Variants in AZIN1 observed in about 807,000 individuals in gnomAD.
AZIN1 encodes antizyme inhibitor 1, also known as ornithine decarboxylase antizyme inhibitor.
A neutral mutation model predicts 47.4 loss-of-function variants in AZIN1; 12 were observed. The ratio of observed to expected loss-of-function variants is 0.25; its 90% confidence interval spans 0.16 to 0.41. The LOEUF is 0.41. AZIN1 is among the 10% of genes least tolerant of loss of function. The pLI, the probability that AZIN1 is intolerant of heterozygous loss-of-function variation, is 1.00. For synonymous variants in AZIN1, 155 were observed against 176.3 expected (o/e 0.88, Z 0.96); for missense variants, 410 against 532.4 (o/e 0.77, Z 2.26).
chr8:102,838,320 A>G (rs1217190520), intron 5 of AZIN1, among the ~76,000 whole-genome samples: 1 of 152,242 alleles, frequency 6.6e-6, no homozygotes, highest in Admixed American at 6.5e-5. Context: ...CACTGTCAGT[A>G]AAGATGACCA....
intron 2 of AZIN1, among the ~76,000 whole-genome samples, chr8:102,845,369 CATCA>C (rs143340511): frequency 2.1e-4 from 32 of 152,334 alleles, no homozygotes; most frequent in Non-Finnish European, 3.5e-4. Context: ...CAGTTCAACT[CATCA>C]GATCTTTCAT....
chr8:102,834,932 A>C, intron 6 of AZIN1, 185 bp from the exon 7 acceptor site: 1 of 530,960 alleles, frequency 1.9e-6, no homozygotes, highest in Non-Finnish European at 3.3e-6. Flanking sequence ...GCTTTATAGA[A>C]AAGGCAATGC....
intron 4 of AZIN1, among the ~76,000 whole-genome samples, chr8:102,839,440 C>T (rs552445905): frequency 7.2e-5 from 11 of 152,254 alleles, no homozygotes; most frequent in Non-Finnish European, 1.5e-4. Flanking sequence ...AAAGATAAAA[C>T]GTTTCAAAGG....
At chr8:102,863,111 A>G (rs1038692748) in intron 1 of AZIN1, among the ~76,000 whole-genome samples, 2 of 152,214 alleles carry the variant, frequency 1.3e-5, no homozygotes, top group South Asian at 4.1e-4. Flanking sequence ...AGCAGCCTCG[A>G]GGCTTCCAGA....
At position 102,828,342 on chromosome 8, in the gene AZIN1, C is replaced by A. The variant is rs767279002; in HGVS notation, c.*225G>T. ...TATTTTAAACGCTTAAGGGGTAGGACAAACTGGTAGGTTTAAATCTGGATA... is the reference window on the plus strand; with the variant it reads ...TATTTTAAACGCTTAAGGGGTAGGAAAAACTGGTAGGTTTAAATCTGGATA... On this transcript the variant is annotated 3_prime_UTR_variant, in exon 12 of 12. Transcript: ENST00000337198. The A allele has an allele frequency of 2.6e-6, 1 of 381,160 alleles. No homozygotes were observed. The highest frequency in any genetic ancestry group is 4.7e-6 in the Non-Finnish European group (1 of 211,048). 23.6% of individuals were successfully genotyped at this position (381,160 alleles called of 1,614,324 possible).
intron 6 of AZIN1, 50 bp from the exon 7 acceptor site, chr8:102,834,797 ACCT>A (rs1586161456): frequency 8.0e-7 from 1 of 1,255,450 alleles, no homozygotes; most frequent in African/African-American, 1.5e-5. Flanking sequence ...TTGTAGAGAC[ACCT>A]CCTGTAATTT....
intron 1 of AZIN1, among the ~76,000 whole-genome samples, chr8:102,862,561 G>A (rs764717536): frequency 1.3e-5 from 2 of 152,182 alleles, no homozygotes; most frequent in Non-Finnish European, 2.9e-5. Context: ...AATGAATTAT[G>A]AGGGCCTTTC....
At chr8:102,833,788 T>C (rs1286571748) in intron 8 of AZIN1, among the ~76,000 whole-genome samples, 5 of 145,540 alleles carry the variant, frequency 3.4e-5, no homozygotes, top group Admixed American at 7.0e-5. Flanking sequence ...TCCCAGCTAC[T>C]TGGGAGGTTG....
At chr8:102,849,629 T>C (rs1340230788) in intron 2 of AZIN1, among the ~76,000 whole-genome samples, 2 of 152,174 alleles carry the variant, frequency 1.3e-5, no homozygotes, top group East Asian at 3.8e-4. Context: ...CAATAGACAC[T>C]AGAAAGTATT....
intron 5 of AZIN1, chr8:102,836,600 T>A: frequency 1.9e-6 from 1 of 533,422 alleles, no homozygotes; most frequent in South Asian, 2.6e-5. Flanking sequence ...AAGGATGGGA[T>A]TTTGGAAAAT....
At chr8:102,854,493 A>T (rs142605982) in intron 2 of AZIN1, 2 of 151,048 alleles carry the variant, frequency 1.3e-5, no homozygotes, top group Non-Finnish European at 2.9e-5. Flanking sequence ...ACTACTTGGG[A>T]GGCTGAGGCG....
chr8:102,841,776 G>GT lies in AZIN1; in HGVS notation c.102+1774dup, dbSNP rs574813287. ...AAATTTCCTCCAATAAAGAAAGATTGTATCAGTTAAGTCTAATATATATAT... is the reference window on the plus strand; with the variant it reads ...AAATTTCCTCCAATAAAGAAAGATTGTTATCAGTTAAGTCTAATATATATAT... On this transcript the variant is annotated intron_variant, in intron 3 of 11. Transcript: ENST00000337198. 1.5e-4 allele frequency among the ~76,000 whole-genome samples: 20 copies of GT among 134,340 alleles called. No homozygotes were observed. In the Admixed American group the frequency reaches 1.6e-3, roughly 11 times the overall value. The allele number at this position is 134,340 out of a possible 152,430, so 88.1% of individuals were successfully genotyped here.
At chr8:102,845,619 C>T (rs1173287805) in intron 2 of AZIN1, among the ~76,000 whole-genome samples, 1 of 152,006 alleles carries the variant, frequency 6.6e-6, no homozygotes, top group Admixed American at 6.6e-5. Flanking sequence ...GGATATTCAA[C>T]TGAGCACTAA....
intron 9 of AZIN1, among the ~76,000 whole-genome samples, chr8:102,832,038 T>G (rs916707639): frequency 2.0e-5 from 3 of 152,210 alleles, no homozygotes; most frequent in African/African-American, 7.2e-5. Context: ...AACACTTTAG[T>G]GGACTTCATG....
intron 2 of AZIN1, among the ~76,000 whole-genome samples, chr8:102,845,880 TTAAG>T (rs1214996097): frequency 6.6e-6 from 1 of 152,224 alleles, no homozygotes; most frequent in Non-Finnish European, 1.5e-5. Context: ...ACTGTGTCTT[TTAAG>T]TAAGAGGTAA....
intron 9 of AZIN1, chr8:102,830,279 G>C (rs746846102): frequency 1.1e-4 from 18 of 170,586 alleles, no homozygotes; most frequent in Non-Finnish European, 2.1e-4. Flanking sequence ...ACAGCTACTT[G>C]GGAGGCTGAG....
chr8:102,839,208 G>A (rs1563536274), intron 4 of AZIN1, among the ~76,000 whole-genome samples: 1 of 152,108 alleles, frequency 6.6e-6, no homozygotes. Context: ...AGTGAGACGA[G>A]GTCTCACTAT....
intron 3 of AZIN1, among the ~76,000 whole-genome samples, chr8:102,840,579 T>C (rs1812116263): frequency 6.6e-6 from 1 of 152,212 alleles, no homozygotes; most frequent in Non-Finnish European, 1.5e-5. Context: ...ATTTTAAAAG[T>C]ACATAAGTCT....
chr8:102,863,376 C>A (rs1171516358), intron 1 of AZIN1, among the ~76,000 whole-genome samples: 8 of 151,766 alleles, frequency 5.3e-5, no homozygotes, highest in Non-Finnish European at 8.8e-5. Context: ...CGGCGGCGCA[C>A]CGCGGAGTAG....
Sources: gnomAD v4.1 joint callset for allele counts (sites outside exome capture counted in the v4.1 genomes callset) on GRCh38, gnomAD v4.1.1 for gene constraint, MANE v1.5 for transcripts, NCBI Gene and HGNC (gene_info 2026-07-23, HGNC 2026-07-21) for gene names.